ASNS: variants seen among roughly 807,000 people sequenced by gnomAD.
The protein encoded by ASNS is asparagine synthetase (glutamine-hydrolyzing), also known as asparagine synthetase [glutamine-hydrolyzing].
ASNS carries 37 observed loss-of-function variants against 62.6 expected under a neutral mutation model. The ratio of observed to expected loss-of-function variants is 0.59; its 90% CI spans 0.45 to 0.78. ASNS has a LOEUF of 0.78. Among genes scored for constraint, ASNS ranks in the 30% least tolerant of loss-of-function variants. The pLI is 0.00. For synonymous variants in ASNS, 207 were observed against 237.9 expected (o/e 0.87, Z 1.19); for missense variants, 520 against 682.4 (o/e 0.76, Z 2.65).
chr7:97,854,895 C>T, intron 9 of ASNS: 1 of 711,924 alleles, frequency 1.4e-6, no homozygotes. Context: ...CAATGGGCAA[C>T]AGTCATAATT....
intron 4 of ASNS, among the ~76,000 whole-genome samples, chr7:97,860,778 CAAGT>C: frequency 6.6e-6 from 1 of 152,156 alleles, no homozygotes; most frequent in East Asian, 1.9e-4. Flanking sequence ...GCATGATTTG[CAAGT>C]ATTTTCTTCC....
At chr7:97,857,633 A>AT (rs919988722) in intron 7 of ASNS, among the ~76,000 whole-genome samples, 1 of 150,612 alleles carries the variant, frequency 6.6e-6, no homozygotes, top group Non-Finnish European at 1.5e-5. Context: ...AAAAAAAAAA[A>AT]AAAACGAACA....
At chr7:97,853,411 T>C in intron 10 of ASNS, 25 bp from the exon 11 acceptor site, 2 of 1,590,874 alleles carry the variant, frequency 1.3e-6, no homozygotes, top group South Asian at 2.2e-5. Flanking sequence ...GAAGAAAATC[T>C]AAATTAAAAT....
At chr7:97,899,000 T>C in the ASNS span, 1,571 of 728,792 alleles carry the variant, frequency 2.2e-3, 29 homozygotes, top group South Asian at 0.021. Flanking sequence ...ATATTTCTTA[T>C]ATTGAACATA....
At chr7:97,883,458 T>TA in the ASNS span, among the ~76,000 whole-genome samples, 18,623 of 152,058 alleles carry the variant, frequency 0.12, 1,465 homozygotes, top group East Asian at 0.28. Flanking sequence ...ACGTGGGTTT[T>TA]ACCTCCTAAA....
intron 2 of ASNS, among the ~76,000 whole-genome samples, chr7:97,869,508 T>G (rs1792149903): frequency 6.6e-6 from 1 of 152,150 alleles, no homozygotes; most frequent in Non-Finnish European, 1.5e-5. Context: ...GCATTCTAAG[T>G]TTGCTTCCAA....
intron 8 of ASNS, 114 bp downstream of exon 8, chr7:97,856,576 G>C (rs1791443344): frequency 1.1e-6 from 1 of 949,692 alleles, no homozygotes; most frequent in Admixed American, 3.0e-5. Flanking sequence ...GATTTAATTT[G>C]CATTCATCCT....
At chr7:97,893,533 G>A in the ASNS span, among the ~76,000 whole-genome samples, 3 of 152,154 alleles carry the variant, frequency 2.0e-5, no homozygotes, top group African/African-American at 4.8e-5. Context: ...GATGGAAAAA[G>A]ATATACCACA....
the ASNS span, among the ~76,000 whole-genome samples, chr7:97,878,323 A>G: frequency 6.6e-6 from 1 of 152,260 alleles, no homozygotes; most frequent in East Asian, 1.9e-4. Context: ...TCACAACTCT[A>G]AGGGGGTCCA....
At chr7:97,918,859 G>A in the ASNS span, among the ~76,000 whole-genome samples, 6,430 of 152,084 alleles carry the variant, frequency 0.042, 310 homozygotes, top group African/African-American at 0.11. Flanking sequence ...ACGGGTTGAT[G>A]GGTGCAGCAA....
At chr7:97,864,517 C>T (rs764846497) in intron 3 of ASNS, 21 bp from the exon 4 acceptor site, 11 of 1,569,848 alleles carry the variant, frequency 7.0e-6, no homozygotes, top group Non-Finnish European at 9.6e-6. Context: ...GAAAGCAAAA[C>T]CAAAATGTTA....
chr7:97,926,422 C>T, the ASNS span, among the ~76,000 whole-genome samples: 20 of 152,326 alleles, frequency 1.3e-4, no homozygotes, highest in African/African-American at 3.8e-4. Context: ...AAAGGGCACT[C>T]TGTTCTTCTT....
At chr7:97,919,251 G>C in the ASNS span, among the ~76,000 whole-genome samples, 1 of 152,038 alleles carries the variant, frequency 6.6e-6, no homozygotes, top group African/African-American at 2.4e-5. Flanking sequence ...AAATAACTAG[G>C]ATTACAGGTG....
the ASNS span, among the ~76,000 whole-genome samples, chr7:97,884,682 G>C: frequency 1.3e-5 from 2 of 151,958 alleles, no homozygotes; most frequent in Non-Finnish European, 2.9e-5. Context: ...CCTCTCCTTA[G>C]GTCATCTCTT....
chr7:97,910,023 G>T, the ASNS span, among the ~76,000 whole-genome samples: 3 of 152,284 alleles, frequency 2.0e-5, no homozygotes, highest in South Asian at 6.2e-4. Flanking sequence ...TTACAATCCA[G>T]GGGAAGAACA....
the ASNS span, among the ~76,000 whole-genome samples, chr7:97,910,315 G>A: frequency 6.6e-6 from 1 of 152,210 alleles, no homozygotes. Context: ...GTAGAAACAT[G>A]GAACTATAGA....
intron 10 of ASNS, 34 bp downstream of exon 10, chr7:97,854,546 G>T (rs763877387): frequency 1.4e-5 from 22 of 1,584,292 alleles, no homozygotes; most frequent in Admixed American, 9.7e-5. Flanking sequence ...GTGTTTTTTT[G>T]TTTTTGTTTT....
Position 97,857,890 on chromosome 7 carries a change from T to A in ASNS, c.903+388A>T, listed in dbSNP as rs1258227232. On this transcript the variant is annotated intron_variant, in intron 7 of 12. Transcript: ENST00000394308. ...ACCAAGCCTGGCTAGTTTTTGTATT[T>A]TTTTGTAGAGATGGAGTTTCATTAT... Among the ~76,000 whole-genome samples the A allele has an allele frequency of 2.6e-5, 4 of 152,126 alleles. No individual in the cohort carries two copies. The East Asian group carries it at 7.7e-4, about 29-fold the overall frequency.
intron 3 of ASNS, among the ~76,000 whole-genome samples, chr7:97,868,100 G>A (rs1792060798): frequency 6.6e-6 from 1 of 152,156 alleles, no homozygotes; most frequent in African/African-American, 2.4e-5. Context: ...CTGAGCTCAG[G>A]AGTTCCAGAC....
Sources: allele counts gnomAD v4.1 joint callset (sites outside exome capture counted in the v4.1 genomes callset), GRCh38; gene constraint gnomAD v4.1.1; transcripts MANE v1.5; gene names NCBI Gene and HGNC (gene_info 2026-07-23, HGNC 2026-07-21).